Variants in RIMS1 observed in about 807,000 individuals in gnomAD.
RIMS1 encodes the protein regulating synaptic membrane exocytosis protein 1.
In RIMS1, 83 loss-of-function variants were observed where a neutral mutation model predicts 214.1. The ratio of observed to expected loss-of-function variants is 0.39; its 90% CI spans 0.32 to 0.47. The LOEUF (loss-of-function observed/expected upper bound fraction) is 0.47, where lower values mean the gene tolerates loss of function less well. RIMS1 is among the 20% of genes least tolerant of loss of function. The probability of loss-of-function intolerance (pLI) is 0.99; values close to 1 mark genes in which losing one functional copy is unlikely to be tolerated. For synonymous variants in RIMS1, 793 were observed against 786.8 expected, an observed-to-expected ratio of 1.01 and a Z score of -0.13; for missense variants, 2,050 against 2,161.8, an observed-to-expected ratio of 0.95 and a Z score of 1.03.
chr6:71,954,923 C>T (rs186965465), intron 1 of RIMS1, among the ~76,000 whole-genome samples: 2,750 of 151,634 alleles, frequency 0.018, 41 homozygotes, highest in Non-Finnish European at 0.029. Flanking sequence ...TGATTCTTGT[C>T]ATCATTGATT....
chr6:72,034,798 G>C (rs1293988188), intron 2 of RIMS1, among the ~76,000 whole-genome samples: 1 of 152,042 alleles, frequency 6.6e-6, no homozygotes, highest in Admixed American at 6.6e-5. Flanking sequence ...AAGTCTTCCA[G>C]CTCTCAGTCT....
chr6:72,262,527 C>G, intron 19 of RIMS1: 1 of 985,164 alleles, frequency 1.0e-6, no homozygotes, highest in Non-Finnish European at 1.2e-6. Context: ...TCCTTCCTGT[C>G]TTTCATTCTC....
chr6:72,035,207 C>T (rs370909259), intron 2 of RIMS1, among the ~76,000 whole-genome samples: 1 of 152,044 alleles, frequency 6.6e-6, no homozygotes, highest in Non-Finnish European at 1.5e-5. Flanking sequence ...CTAACAATGC[C>T]TCAAATTGGT....
intron 29 of RIMS1, among the ~76,000 whole-genome samples, chr6:72,357,424 T>G (rs1245607023): frequency 6.6e-6 from 1 of 152,230 alleles, no homozygotes; most frequent in Non-Finnish European, 1.5e-5. Context: ...ATGGGTAGAA[T>G]ATTCTAAGGT....
chr6:71,895,247 AG>A (rs1433674030), intron 1 of RIMS1, among the ~76,000 whole-genome samples: 10 of 152,238 alleles, frequency 6.6e-5, no homozygotes, highest in African/African-American at 2.4e-4. Context: ...TACTTAAAGC[AG>A]TATTGCTTAA....
chr6:72,224,022 C>A (rs2059422359), intron 6 of RIMS1, among the ~76,000 whole-genome samples: 1 of 150,174 alleles, frequency 6.7e-6, no homozygotes, highest in Admixed American at 6.6e-5. Context: ...AAGAAAGTTT[C>A]TTTTCTGTTA....
At chr6:72,233,562 T>C (rs1360014446) in intron 6 of RIMS1, among the ~76,000 whole-genome samples, 2 of 151,414 alleles carry the variant, frequency 1.3e-5, no homozygotes, top group African/African-American at 4.9e-5. Flanking sequence ...GAGAAAAAGG[T>C]AGTCATTCAT....
intron 27 of RIMS1, among the ~76,000 whole-genome samples, chr6:72,313,186 G>A (rs895565205): frequency 6.6e-6 from 1 of 151,980 alleles, no homozygotes; most frequent in African/African-American, 2.4e-5. Flanking sequence ...AAAGAGAAGC[G>A]TATGTACTAG....
At chr6:72,095,116 ATTTTTTT>A (rs71540328) in intron 2 of RIMS1, among the ~76,000 whole-genome samples, 3 of 98,952 alleles carry the variant, frequency 3.0e-5, no homozygotes, top group Admixed American at 1.3e-4. Context: ...ACGCCCGACT[ATTTTTTT>A]TTTTTTTTTT....
intron 1 of RIMS1, among the ~76,000 whole-genome samples, chr6:71,923,911 TA>T (rs1431239280): frequency 6.6e-6 from 1 of 152,172 alleles, no homozygotes; most frequent in Non-Finnish European, 1.5e-5. Flanking sequence ...TACCTAGATA[TA>T]TTTTGATGCT....
rs182216541 is a variant in RIMS1 at position 72,186,690 on chromosome 6, C to A, written c.1678+3541C>A. 2.2e-4 allele frequency among the ~76,000 whole-genome samples: 34 copies of A among 151,934 alleles called. 1 individual carries two copies. The East Asian group carries it at 6.6e-3, about 29-fold the overall frequency. ...AGTTTTTGGCTTTGTTTGTAATTGC[C>A]AAATTGCATAATAAATTATATACAA... On this transcript the variant is annotated intron_variant, in intron 6 of 33. Transcript: ENST00000521978.
At chr6:72,125,314 T>G (rs149475759) in intron 4 of RIMS1, among the ~76,000 whole-genome samples, 1,733 of 152,318 alleles carry the variant, frequency 0.011, 30 homozygotes, top group African/African-American at 0.04. Context: ...CAGCAGAGGC[T>G]GCAGAACAGC....
rs145457419 is a variant in RIMS1 at position 72,335,598 on chromosome 6, T to G, written c.4366+1763T>G. ...TTTGGATATATACCCAGTAATGGGA[T>G]TGCTGGGTCAAATGGTATTTCTGGT... On this transcript the variant is annotated intron_variant, in intron 29 of 33. Coordinates refer to ENST00000521978, the MANE Select transcript of RIMS1 (RefSeq NM_014989.7). Among the ~76,000 whole-genome samples, 749 of 152,148 alleles carry G rather than the reference T, an allele frequency of 4.9e-3. 5 individuals carry two copies. Among genetic ancestry groups the G allele is most frequent in the African/African-American group, 0.017 (722 of 41,550 alleles).
chr6:72,169,553 AT>A (rs11291348), intron 4 of RIMS1, among the ~76,000 whole-genome samples: 105,228 of 151,938 alleles, frequency 0.69, 36,913 homozygotes, highest in East Asian at 0.84. Context: ...AAAATGAGGG[AT>A]GGTTAGGAAT....
At chr6:71,907,872 A>T (rs1775729224) in intron 1 of RIMS1, among the ~76,000 whole-genome samples, 1 of 152,362 alleles carries the variant, frequency 6.6e-6, no homozygotes, top group Admixed American at 6.5e-5. Flanking sequence ...TCTAAAAGAT[A>T]AAATCCTACC....
chr6:72,162,993 G>T lies in RIMS1; in HGVS notation c.472-16582G>T, dbSNP rs991493213. Among the ~76,000 whole-genome samples, 7 of 131,822 alleles carry T rather than the reference G, an allele frequency of 5.3e-5. 1 individual carries two copies. The highest frequency in any genetic ancestry group is 1.2e-4 in the Non-Finnish European group (7 of 56,368). The allele number at this position is 131,822 out of a possible 152,430, so 86.5% of individuals were successfully genotyped here. A position where few individuals can be genotyped will look rare whatever the true frequency, so the allele number is the denominator to read the frequency against. On this transcript the variant is annotated intron_variant, in intron 4 of 33. Transcript: ENST00000521978. ...TATCCTGCAGAGTGTTTTCCAACTT[G>T]GTTCCATGCTCCCCGTGACTTTCAG...
chr6:72,044,428 C>T (rs767059464), intron 2 of RIMS1, among the ~76,000 whole-genome samples: 4 of 151,848 alleles, frequency 2.6e-5, no homozygotes, highest in Non-Finnish European at 4.4e-5. Context: ...TTGAAAGACA[C>T]TGTTCAGAAA....
chr6:72,108,660 GA>G (rs1477413830), intron 4 of RIMS1, among the ~76,000 whole-genome samples: 1 of 151,566 alleles, frequency 6.6e-6, no homozygotes, highest in African/African-American at 2.4e-5. Flanking sequence ...CTCTAACTTT[GA>G]AACTTTAAAA....
rs138074745 is a variant in RIMS1 at position 72,204,898 on chromosome 6, G to C, written c.1678+21749G>C. Among the ~76,000 whole-genome samples the C allele has an allele frequency of 4.4e-3, 667 of 152,120 alleles. 6 individuals carry two copies. The highest frequency in any genetic ancestry group is 0.014 in the African/African-American group (569 of 41,508). ...CTGAGGATGATTGGGTTTGAAAAAG[G>C]GTAACTTTTCTTGTCTTCTAATTCT... On this transcript the variant is annotated intron_variant, in intron 6 of 33. Transcript: ENST00000521978.
Sources: allele counts gnomAD v4.1 joint callset (sites outside exome capture counted in the v4.1 genomes callset), GRCh38; gene constraint gnomAD v4.1.1; transcripts MANE v1.5; gene names NCBI Gene and HGNC (gene_info 2026-07-23, HGNC 2026-07-21).